FZR1: variants seen among roughly 807,000 people sequenced by gnomAD.
The protein encoded by FZR1 is fizzy-related protein homolog.
In FZR1, 11 loss-of-function variants were observed where a neutral mutation model predicts 63.6. That is an observed-to-expected ratio of 0.17 (90% CI 0.11 to 0.29). The LOEUF (loss-of-function observed/expected upper bound fraction) is 0.29, where lower values mean the gene tolerates loss of function less well. FZR1 is among the 10% of genes least tolerant of loss of function. FZR1 has a pLI of 1.00. For synonymous variants in FZR1, 328 were observed against 297.9 expected (o/e 1.10, Z -1.04); for missense variants, 440 against 687.5 (o/e 0.64, Z 4.03).
chr19:3,527,775 A>G lies in FZR1; in HGVS notation c.615A>G (p.Leu205=). The change falls in exon 7 of 14, where the codon CTA becomes CTG. Residue 205 remains leucine (L), a synonymous_variant. Coordinates refer to ENST00000441788, the MANE Select transcript of FZR1 (RefSeq NM_016263.4). ...CCCTCAATGTGCTCAGCGTGGGGCT[A>G]GGCACCTGCGTGTACCTGTGGAGTG... The part of the protein sequence containing the change: ...WSSLNVLSVG[L]GTCVYLWSAC... 1 of 1,612,730 alleles carries G rather than the reference A, an allele frequency of 6.2e-7. No homozygotes were observed. The highest frequency in any genetic ancestry group is 8.5e-7 in the Non-Finnish European group (1 of 1,179,736).
At chr19:3,520,370 T>C (rs1411448809) in intron 1 of FZR1, among the ~76,000 whole-genome samples, 1 of 152,182 alleles carries the variant, frequency 6.6e-6, no homozygotes, top group Non-Finnish European at 1.5e-5. Context: ...GCCATTGCTC[T>C]GTGGCCGCGT....
rs538120342 is a variant in FZR1 at position 3,516,836 on chromosome 19, C to T, written c.-34-6120C>T. On this transcript the variant is annotated intron_variant, in intron 1 of 13. Transcript: ENST00000441788. This position sits in a 1 kb window ranked among gnomAD's most constrained non-coding sequence, Gnocchi z 6.0. Reference sequence around the variant, plus strand: ...CCTGGCAACGTTTGGGCCATTGGCTCACGGCGTCTCTGTTGCCCCGGAGGG... The same window carrying T: ...CCTGGCAACGTTTGGGCCATTGGCTTACGGCGTCTCTGTTGCCCCGGAGGG... Among the ~76,000 whole-genome samples the T allele has an allele frequency of 6.6e-6, 1 of 152,302 alleles. No individual in the cohort carries two copies. Among genetic ancestry groups the T allele is most frequent in the South Asian group, 2.1e-4 (1 of 4,826 alleles).
At chr19:3,521,703 C>T (rs1021353364) in intron 1 of FZR1, among the ~76,000 whole-genome samples, 17 of 152,168 alleles carry the variant, frequency 1.1e-4, no homozygotes, top group Non-Finnish European at 1.6e-4. Flanking sequence ...GGTTTCACCA[C>T]GTTGGCCAGG....
At chr19:3,520,883 C>T (rs1287193675) in intron 1 of FZR1, among the ~76,000 whole-genome samples, 1 of 152,236 alleles carries the variant, frequency 6.6e-6, no homozygotes, top group Non-Finnish European at 1.5e-5. Flanking sequence ...CAGTGCATGC[C>T]TCAGGTGTCT....
At chr19:3,529,299 T>C (rs1217856817) in intron 7 of FZR1, among the ~76,000 whole-genome samples, 1 of 105,280 alleles carries the variant, frequency 9.5e-6, no homozygotes. Flanking sequence ...AGTGGATGGT[T>C]GAGTGGATGG....
At chr19:3,530,006 G>C (rs2083223157) in intron 7 of FZR1, among the ~76,000 whole-genome samples, 1 of 133,390 alleles carries the variant, frequency 7.5e-6, no homozygotes, top group African/African-American at 2.9e-5. Flanking sequence ...GGATGGGAGA[G>C]CAGATGGGTG....
rs746849146 is a variant in FZR1, at chr19:3,516,820, G to A, written c.-34-6136G>A. ...TGACAGCTGCTGCCCACCTGGCAAC[G>A]TTTGGGCCATTGGCTCACGGCGTCT... On this transcript the variant is annotated intron_variant, in intron 1 of 13. Coordinates refer to ENST00000441788, the MANE Select transcript of FZR1 (RefSeq NM_016263.4). The surrounding 1 kb of genome is among the most constrained non-coding windows in gnomAD (Gnocchi z 6.0). 5.5e-4 allele frequency among the ~76,000 whole-genome samples: 83 copies of A among 152,228 alleles called. No individual in the cohort carries two copies. Among genetic ancestry groups the A allele is most frequent in the Non-Finnish European group, 9.7e-4 (66 of 68,046 alleles).
chr19:3,528,404 C>T (rs2083184229), intron 7 of FZR1, among the ~76,000 whole-genome samples: 1 of 152,198 alleles, frequency 6.6e-6, no homozygotes, highest in Non-Finnish European at 1.5e-5. Context: ...GGCAGTGTCC[C>T]ACACCCTTCT....
At position 3,537,682 on chromosome 19, in the gene FZR1, G is replaced by C. The variant is rs1321850823; in HGVS notation, c.*2846G>C. On this transcript the variant is annotated 3_prime_UTR_variant, in exon 14 of 14. Coordinates refer to ENST00000441788, the MANE Select transcript of FZR1 (RefSeq NM_016263.4). ...GGTCCTGGCAGCCAGGAGGCCCCAG[G>C]TGGTTTTGAGGCTCGCTCTTGCGCG... The C allele has an allele frequency of 1.3e-5, 2 of 152,786 alleles. No individual in the cohort carries two copies. Among genetic ancestry groups the C allele is most frequent in the African/African-American group, 2.4e-5 (1 of 41,448 alleles). 9.5% of individuals were successfully genotyped at this position (152,786 alleles called of 1,614,324 possible).
At chr19:3,528,634 GGAGAGTGGAT>G (rs930843532) in intron 7 of FZR1, among the ~76,000 whole-genome samples, 4 of 147,586 alleles carry the variant, frequency 2.7e-5, no homozygotes, top group African/African-American at 1.1e-4. Flanking sequence ...TGAGTGGATG[GGAGAGTGGAT>G]GGGAGAGTGG....
intron 1 of FZR1, among the ~76,000 whole-genome samples, chr19:3,511,124 C>T (rs2083021625): frequency 6.6e-6 from 1 of 152,258 alleles, no homozygotes; most frequent in South Asian, 2.1e-4. Context: ...TTCCTCCTCA[C>T]GTGGGGCACT....
At chr19:3,534,232 A>T in intron 12 of FZR1, 189 bp from the exon 13 acceptor site, 1 of 418,426 alleles carries the variant, frequency 2.4e-6, no homozygotes, top group Non-Finnish European at 4.2e-6. Context: ...AAAATTAAAA[A>T]AAAAAAAAAA....
chr19:3,536,509 C>G lies in FZR1; in HGVS notation c.*1673C>G, dbSNP rs1360323177. 1 of 152,242 alleles carries G rather than the reference C, an allele frequency of 6.6e-6. No individual in the cohort carries two copies. 9.4% of individuals were successfully genotyped at this position (152,242 alleles called of 1,614,324 possible). ...GCCTTCGCCCATGCCCGCCCCTGCC[C>G]GCAGTTGCCAAAGAGCCGCCTTGTC... On this transcript the variant is annotated 3_prime_UTR_variant, in exon 14 of 14. Transcript: ENST00000441788.
chr19:3,516,388 A>G lies in FZR1; in HGVS notation c.-34-6568A>G, dbSNP rs933495556. On this transcript the variant is annotated intron_variant, in intron 1 of 13. Transcript: ENST00000441788. The surrounding 1 kb of genome is among the most constrained non-coding windows in gnomAD (Gnocchi z 6.0). ...TGGCAGGTGCTTCCCTCAGTTTGTCATCTGTTTTTTAACTGTGTTGGTGGT... is the reference window on the plus strand; with the variant it reads ...TGGCAGGTGCTTCCCTCAGTTTGTCGTCTGTTTTTTAACTGTGTTGGTGGT... Among the ~76,000 whole-genome samples, 2 of 151,960 alleles carry G rather than the reference A, an allele frequency of 1.3e-5. No individual in the cohort carries two copies. The highest frequency in any genetic ancestry group is 2.9e-5 in the Non-Finnish European group (2 of 67,988).
intron 1 of FZR1, among the ~76,000 whole-genome samples, chr19:3,507,857 T>G (rs1045314394): frequency 1.3e-5 from 2 of 152,256 alleles, no homozygotes; most frequent in Admixed American, 6.5e-5. Flanking sequence ...GACACCCGAT[T>G]GTCATTTCCT....
chr19:3,530,008 AGATGGGTGAGTGGATGGGAGAGTG>A (rs1344893158), intron 7 of FZR1, among the ~76,000 whole-genome samples: 6 of 64,220 alleles, frequency 9.3e-5, no homozygotes, highest in Non-Finnish European at 1.9e-4. Context: ...ATGGGAGAGC[AGATGGGTGAGTGGATGGGAGAGTG>A]GATGGGTGAG....
chr19:3,530,365 T>TGGGTGAGCGGATGGTTGAGCAGAA (rs2083231461), intron 7 of FZR1, among the ~76,000 whole-genome samples: 1 of 129,156 alleles, frequency 7.7e-6, no homozygotes, highest in African/African-American at 3.2e-5. Context: ...GGAGAGCGGA[T>TGGGTGAGCGGATGGTTGAGCAGAA]GGGAGAGCGG....
chr19:3,534,305 C>T, intron 12 of FZR1, 116 bp from the exon 13 acceptor site: 1 of 574,468 alleles, frequency 1.7e-6, no homozygotes, highest in Non-Finnish European at 3.1e-6. Flanking sequence ...CTCCTGGCTC[C>T]AGAGTCTGGG....
chr19:3,520,484 C>T (rs372139603), intron 1 of FZR1, among the ~76,000 whole-genome samples: 9 of 152,316 alleles, frequency 5.9e-5, no homozygotes, highest in African/African-American at 2.2e-4. Context: ...CCTTCGTGTC[C>T]TCATCTGCAC....
Sources: allele counts gnomAD v4.1 joint callset (sites outside exome capture counted in the v4.1 genomes callset), GRCh38; gene constraint gnomAD v4.1.1; non-coding constraint Gnocchi (gnomAD v3.1); transcripts MANE v1.5; gene names NCBI Gene and HGNC (gene_info 2026-07-23, HGNC 2026-07-21).